ZNF385D: variants seen among roughly 807,000 people sequenced by gnomAD.
ZNF385D encodes zinc finger protein 659.
ZNF385D carries 15 observed loss-of-function variants against 35.8 expected under a neutral mutation model. The ratio of observed to expected loss-of-function variants is 0.42; its 90% CI spans 0.28 to 0.64. ZNF385D has a LOEUF of 0.64. Ranked by LOEUF, ZNF385D falls within the 30% of genes least tolerant of loss-of-function variation. ZNF385D has a pLI of 0.23. For missense variants in ZNF385D, 474 were observed against 494.6 expected, an observed-to-expected ratio of 0.96 and a Z score of 0.39; for synonymous variants, 212 against 186.8, an observed-to-expected ratio of 1.13 and a Z score of -1.10.
At chr3:21,584,463 CT>C (rs2063755307) in intron 2 of ZNF385D, among the ~76,000 whole-genome samples, 1 of 152,000 alleles carries the variant, frequency 6.6e-6, no homozygotes. Context: ...AATTAGACTT[CT>C]TTTTTACACT....
chr3:21,806,887 G>C (rs945237676), intron 3 of ZNF385D, among the ~76,000 whole-genome samples: 2 of 152,160 alleles, frequency 1.3e-5, no homozygotes, highest in African/African-American at 4.8e-5. Context: ...AACATTAGCA[G>C]TAATTCTTAT....
intron 3 of ZNF385D, among the ~76,000 whole-genome samples, chr3:21,770,596 C>A (rs931273087): frequency 1.3e-5 from 2 of 152,138 alleles, no homozygotes; most frequent in African/African-American, 4.8e-5. Flanking sequence ...ACAACAGGTG[C>A]TGGAGAGGAT....
At chr3:22,080,070 C>G (rs781407201) in intron 3 of ZNF385D, among the ~76,000 whole-genome samples, 12 of 152,078 alleles carry the variant, frequency 7.9e-5, no homozygotes, top group Non-Finnish European at 1.5e-4. Flanking sequence ...AATGAAGACA[C>G]AAAATGTTCA....
At chr3:21,684,558 A>T (rs2067043561) in intron 1 of ZNF385D, among the ~76,000 whole-genome samples, 1 of 151,990 alleles carries the variant, frequency 6.6e-6, no homozygotes, top group Non-Finnish European at 1.5e-5. Context: ...AAGTTCAAAA[A>T]ATACCCTCAA....
intron 2 of ZNF385D, among the ~76,000 whole-genome samples, chr3:22,200,136 T>C (rs1036107286): frequency 6.6e-6 from 1 of 152,070 alleles, no homozygotes; most frequent in Non-Finnish European, 1.5e-5. Context: ...CACAGGGCCA[T>C]AGGATAATTT....
intron 3 of ZNF385D, among the ~76,000 whole-genome samples, chr3:21,776,126 CTATAT>C (rs1398751535): frequency 2.6e-5 from 4 of 151,396 alleles, no homozygotes; most frequent in Non-Finnish European, 4.4e-5. Context: ...TAATTATATC[CTATAT>C]TATGAGTGTG....
At chr3:22,188,801 T>C (rs1420113653) in intron 2 of ZNF385D, among the ~76,000 whole-genome samples, 1 of 152,222 alleles carries the variant, frequency 6.6e-6, no homozygotes, top group Non-Finnish European at 1.5e-5. Flanking sequence ...TATCTTCTCA[T>C]GGTATTAGGA....
At chr3:22,187,784 C>T (rs927545397) in intron 2 of ZNF385D, among the ~76,000 whole-genome samples, 16 of 152,026 alleles carry the variant, frequency 1.1e-4, no homozygotes, top group African/African-American at 3.4e-4. Flanking sequence ...ATTCGGACAG[C>T]GATGGTAGCT....
chr3:21,805,723 G>A (rs760040451), intron 3 of ZNF385D, among the ~76,000 whole-genome samples: 3 of 152,158 alleles, frequency 2.0e-5, no homozygotes, highest in Non-Finnish European at 4.4e-5. Flanking sequence ...ACACTGACAA[G>A]ACTGGATTTC....
chr3:21,474,043 T>C (rs1442601615), intron 4 of ZNF385D, among the ~76,000 whole-genome samples: 2 of 152,094 alleles, frequency 1.3e-5, no homozygotes, highest in Non-Finnish European at 2.9e-5. Flanking sequence ...TTATATATTA[T>C]AAGTTCATCC....
intron 2 of ZNF385D, among the ~76,000 whole-genome samples, chr3:21,629,090 C>CT (rs928426293): frequency 1.9e-4 from 29 of 152,076 alleles, no homozygotes; most frequent in East Asian, 9.7e-4. Context: ...AGGATCAGGC[C>CT]TTTTTTTAAA....
At chr3:21,809,153 T>C (rs2072790234) in intron 3 of ZNF385D, among the ~76,000 whole-genome samples, 1 of 152,136 alleles carries the variant, frequency 6.6e-6, no homozygotes, top group Admixed American at 6.5e-5. Context: ...ACATAGATGT[T>C]GAAATTAGCT....
intron 2 of ZNF385D, among the ~76,000 whole-genome samples, chr3:21,656,326 C>T (rs926683447): frequency 4.6e-5 from 7 of 152,046 alleles, no homozygotes; most frequent in South Asian, 4.1e-4. Flanking sequence ...TATTGTCTCA[C>T]GGTTCTGGAG....
chr3:22,041,655 T>G (rs711687), intron 3 of ZNF385D, among the ~76,000 whole-genome samples: 1 of 151,960 alleles, frequency 6.6e-6, no homozygotes, highest in South Asian at 2.1e-4. Context: ...GTATATTGTT[T>G]ACAGCAATAG....
At chr3:21,506,752 A>T (rs957583207) in intron 4 of ZNF385D, among the ~76,000 whole-genome samples, 3 of 152,190 alleles carry the variant, frequency 2.0e-5, no homozygotes, top group South Asian at 2.1e-4. Context: ...TATATTTTTT[A>T]AAAATATTAC....
intron 3 of ZNF385D, among the ~76,000 whole-genome samples, chr3:21,763,762 T>A (rs2070717525): frequency 6.9e-6 from 1 of 145,886 alleles, no homozygotes. Context: ...CTTCAGAAAC[T>A]GTGAACAGTA....
At chr3:21,525,987 C>G (rs1034344789) in intron 3 of ZNF385D, among the ~76,000 whole-genome samples, 9 of 152,000 alleles carry the variant, frequency 5.9e-5, no homozygotes, top group African/African-American at 2.2e-4. Context: ...GACAAGTGCA[C>G]AAATATGATT....
intron 3 of ZNF385D, chr3:22,168,343 T>A (rs559089610): frequency 6.6e-6 from 1 of 152,292 alleles, no homozygotes; most frequent in Non-Finnish European, 1.5e-5. Context: ...AAATTTTCAC[T>A]AGGAAACTCA....
chr3:22,292,050 CTT>C (rs1488129128), intron 2 of ZNF385D, among the ~76,000 whole-genome samples: 2 of 151,910 alleles, frequency 1.3e-5, no homozygotes, highest in Non-Finnish European at 2.9e-5. Context: ...AGCCCTTCTT[CTT>C]TGACTTTTCA....
Sources: gnomAD v4.1 joint callset for allele counts (sites outside exome capture counted in the v4.1 genomes callset) on GRCh38, gnomAD v4.1.1 for gene constraint, MANE v1.5 for transcripts, NCBI Gene and HGNC (gene_info 2026-07-23, HGNC 2026-07-21) for gene names.